Variants in NPC1 observed in about 807,000 individuals in gnomAD.
NPC1 encodes Niemann-Pick C1 protein.
In NPC1, 85 loss-of-function variants were observed where a neutral mutation model predicts 140.4. The ratio of observed to expected loss-of-function variants is 0.61; its 90% confidence interval spans 0.51 to 0.72. The LOEUF is 0.72. NPC1 is among the 30% of genes least tolerant of loss of function. The probability of loss-of-function intolerance (pLI) is 0.00; values close to 1 mark genes in which losing one functional copy is unlikely to be tolerated. For missense variants in NPC1, 1,504 were observed against 1,623.8 expected (o/e 0.93, Z 1.27); for synonymous variants, 656 against 624.8 (o/e 1.05, Z -0.74).
chr18:23,571,232 TAAAAAA>T (rs10715014), intron 3 of NPC1, among the ~76,000 whole-genome samples: 1 of 147,052 alleles, frequency 6.8e-6, no homozygotes, highest in Admixed American at 6.7e-5. Context: ...AAACTGACTT[TAAAAAA>T]AAAAAAAAAC....
rs1271893460 is a variant in NPC1 at position 23,567,272 on chromosome 18, CAATGAATGA to C, written c.463+1542_463+1550del. The stretch of plus-strand genomic sequence containing the variant: ...CTGTACCGTTTTGTACTCCCACCAT[CAATGAATGA>C]GAGCTCATTGCCAGCATTTGGTGTT... On this transcript the variant is annotated intron_variant, in intron 4 of 24. Transcript: ENST00000269228. 2.0e-5 allele frequency among the ~76,000 whole-genome samples: 3 copies of C among 152,206 alleles called. No individual in the cohort carries two copies. The East Asian group carries it at 5.8e-4, about 29-fold the overall frequency.
At chr18:23,576,218 G>A (rs1266724672) in intron 1 of NPC1, among the ~76,000 whole-genome samples, 1 of 151,674 alleles carries the variant, frequency 6.6e-6, no homozygotes, top group Non-Finnish European at 1.5e-5. Context: ...GAGCTAAACT[G>A]TCTCAAAAAA....
intron 3 of NPC1, among the ~76,000 whole-genome samples, chr18:23,511,608 T>G (rs1174288979): frequency 6.6e-6 from 1 of 152,166 alleles, no homozygotes; most frequent in Non-Finnish European, 1.5e-5. Flanking sequence ...TACAAACTTC[T>G]TTTTAACAAA....
chr18:23,519,745 ACT>A (rs2058096472), downstream of NPC1, among the ~76,000 whole-genome samples: 1 of 151,948 alleles, frequency 6.6e-6, no homozygotes, highest in African/African-American at 2.4e-5. Flanking sequence ...GAGTACTTGA[ACT>A]CTCTGTTGCA....
At chr18:23,531,016 A>AATGATCAAC (rs1491270104), downstream of NPC1, among the ~76,000 whole-genome samples, 4 of 151,786 alleles carry the variant, frequency 2.6e-5, no homozygotes, top group East Asian at 1.9e-4. Flanking sequence ...TTTTTTTGAG[A>AATGATCAAC]CAGAGTCTCG....
intron 11 of NPC1, among the ~76,000 whole-genome samples, chr18:23,546,022 G>T (rs1417288592): frequency 1.3e-5 from 2 of 152,100 alleles, no homozygotes; most frequent in Non-Finnish European, 2.9e-5. Flanking sequence ...GCTGAGGCTG[G>T]CAGATCACCT....
At chr18:23,523,704 A>G (rs2058211052) in intron 1 of NPC1, among the ~76,000 whole-genome samples, 1 of 152,194 alleles carries the variant, frequency 6.6e-6, no homozygotes, top group African/African-American at 2.4e-5. Flanking sequence ...CCTGGACAGC[A>G]GAGCAACACC....
downstream of NPC1, among the ~76,000 whole-genome samples, chr18:23,521,705 T>TC (rs2058146644): frequency 6.6e-6 from 1 of 152,060 alleles, no homozygotes; most frequent in African/African-American, 2.4e-5. Flanking sequence ...CTTTTTTTTT[T>TC]TTCCTTAAAC....
chr18:23,539,567 T>TGCTGA, intron 18 of NPC1, 97 bp from the exon 19 acceptor site: 1 of 904,416 alleles, frequency 1.1e-6, no homozygotes, highest in Non-Finnish European at 1.7e-6. Flanking sequence ...TTCTACGTTT[T>TGCTGA]ATACTGCTAA....
downstream of NPC1, among the ~76,000 whole-genome samples, chr18:23,519,382 G>A (rs956912730): frequency 9.9e-5 from 15 of 152,146 alleles, no homozygotes; most frequent in African/African-American, 3.4e-4. Flanking sequence ...GCCGGGCGTG[G>A]TAGTGCACGC....
chr18:23,548,710 A>G (rs1416606308), intron 10 of NPC1, among the ~76,000 whole-genome samples: 1 of 152,180 alleles, frequency 6.6e-6, no homozygotes, highest in Non-Finnish European at 1.5e-5. Context: ...TTTTTCTATT[A>G]CAAAGTTACT....
At chr18:23,579,866 CAGAG>C (rs1389919451) in intron 1 of NPC1, among the ~76,000 whole-genome samples, 2 of 139,876 alleles carry the variant, frequency 1.4e-5, no homozygotes, top group African/African-American at 2.8e-5. Context: ...GCCTGGGTAA[CAGAG>C]AGAGACTCCA....
chr18:23,560,550 C>T, intron 5 of NPC1, 70 bp from the exon 6 acceptor site: 3 of 1,527,154 alleles, frequency 2.0e-6, no homozygotes, highest in East Asian at 2.3e-5. Flanking sequence ...TATACTTAAA[C>T]TCAAAGAAAA....
chr18:23,564,629 T>C (rs188925995), intron 4 of NPC1, among the ~76,000 whole-genome samples: 220 of 152,262 alleles, frequency 1.4e-3, no homozygotes, highest in Non-Finnish European at 2.5e-3. Flanking sequence ...GGCCTTCTTG[T>C]CTTTTCTTGA....
chr18:23,554,281 A>G, intron 9 of NPC1, among the ~76,000 whole-genome samples: 1 of 152,044 alleles, frequency 6.6e-6, no homozygotes, highest in East Asian at 1.9e-4. Context: ...AGCACATGTT[A>G]TGTGTTCATC....
rs1465776750 is a variant in NPC1 at position 23,532,163 on chromosome 18, C to T, written c.*39G>A. On this transcript the variant is annotated 3_prime_UTR_variant, in exon 25 of 25. Coordinates refer to ENST00000269228, the MANE Select transcript of NPC1 (RefSeq NM_000271.5). ...ACCCGTCCAGTGGTAAACCGACCGA[C>T]CCTTAGACACAGTTCAGTCAGGATG... The T allele has an allele frequency of 1.2e-6, 2 of 1,613,982 alleles. No homozygotes were observed. Among genetic ancestry groups the T allele is most frequent in the Admixed American group, 1.7e-5 (1 of 59,996 alleles).
intron 12 of NPC1, 43 bp downstream of exon 12, chr18:23,544,917 T>A: frequency 7.3e-7 from 1 of 1,361,638 alleles, no homozygotes; most frequent in Non-Finnish European, 1.0e-6. Context: ...CACTGTGCAC[T>A]GCTGTTAACC....
At chr18:23,584,321 C>G (rs1040128200) in intron 1 of NPC1, among the ~76,000 whole-genome samples, 1 of 152,162 alleles carries the variant, frequency 6.6e-6, no homozygotes, top group African/African-American at 2.4e-5. Context: ...CTCTCTCTCC[C>G]AATCTGTTTG....
downstream of NPC1, among the ~76,000 whole-genome samples, chr18:23,525,822 T>C (rs1022589513): frequency 6.6e-6 from 1 of 152,212 alleles, no homozygotes; most frequent in African/African-American, 2.4e-5. Context: ...TGTTACTCTT[T>C]AATCCTCTGT....
Sources: gnomAD v4.1 joint callset for allele counts (sites outside exome capture counted in the v4.1 genomes callset) on GRCh38, gnomAD v4.1.1 for gene constraint, MANE v1.5 for transcripts, NCBI Gene and HGNC (gene_info 2026-07-23, HGNC 2026-07-21) for gene names.